KDM4C: variants seen among roughly 807,000 people sequenced by gnomAD.
KDM4C encodes the protein lysine-specific demethylase 4C.
A neutral mutation model predicts 129.3 loss-of-function variants in KDM4C; 81 were observed. The ratio of observed to expected loss-of-function variants is 0.63; its 90% CI spans 0.52 to 0.75. The LOEUF is 0.75. Among genes scored for constraint, KDM4C ranks in the 30% least tolerant of loss-of-function variants. The pLI is 0.00. For missense variants in KDM4C, 1,457 were observed against 1,304.0 expected (o/e 1.12, Z -1.81); for synonymous variants, 573 against 456.1 (o/e 1.26, Z -3.26).
chr9:6,816,110 G>A (rs1235694385), intron 4 of KDM4C, among the ~76,000 whole-genome samples: 1 of 152,098 alleles, frequency 6.6e-6, no homozygotes, highest in Non-Finnish European at 1.5e-5. Flanking sequence ...TAACTAATAA[G>A]TGATCTATGG....
intron 19 of KDM4C, among the ~76,000 whole-genome samples, chr9:7,132,146 A>T (rs956665016): frequency 6.6e-6 from 1 of 152,234 alleles, no homozygotes; most frequent in Non-Finnish European, 1.5e-5. Flanking sequence ...AATTTAGGAT[A>T]TCAAGTTTAA....
intron 21 of KDM4C, 127 bp from the exon 22 acceptor site, chr9:7,174,426 C>A: frequency 2.6e-6 from 2 of 775,952 alleles, no homozygotes; most frequent in South Asian, 1.9e-5. Flanking sequence ...TGCCTGGGGC[C>A]CTTTTAGCCT....
At chr9:6,845,360 G>T (rs553509664) in intron 4 of KDM4C, among the ~76,000 whole-genome samples, 1 of 152,120 alleles carries the variant, frequency 6.6e-6, no homozygotes, top group Non-Finnish European at 1.5e-5. Context: ...GATTACAGGC[G>T]TGAGGCACCA....
chr9:6,765,703 C>A (rs1464325663), intron 1 of KDM4C, among the ~76,000 whole-genome samples: 1 of 152,084 alleles, frequency 6.6e-6, no homozygotes, highest in African/African-American at 2.4e-5. Flanking sequence ...ATACATCTTA[C>A]CCATCGTGAC....
At chr9:6,872,414 T>A (rs1388684975) in intron 5 of KDM4C, among the ~76,000 whole-genome samples, 1 of 152,174 alleles carries the variant, frequency 6.6e-6, no homozygotes, top group Non-Finnish European at 1.5e-5. Context: ...GTTTAAGTCC[T>A]GAATATCCTT....
intron 1 of KDM4C, among the ~76,000 whole-genome samples, chr9:6,732,534 C>T (rs1238320880): frequency 6.6e-6 from 1 of 151,460 alleles, no homozygotes; most frequent in African/African-American, 2.4e-5. Flanking sequence ...GGGCATGAGC[C>T]ACCGCACCCA....
chr9:7,125,432 C>T (rs975494783), intron 18 of KDM4C, among the ~76,000 whole-genome samples: 1 of 152,152 alleles, frequency 6.6e-6, no homozygotes, highest in Non-Finnish European at 1.5e-5. Flanking sequence ...AGTAATATAG[C>T]CTTAGTGGTT....
chr9:6,767,018 G>A (rs1820762013), intron 1 of KDM4C, among the ~76,000 whole-genome samples: 1 of 152,128 alleles, frequency 6.6e-6, no homozygotes, highest in African/African-American at 2.4e-5. Flanking sequence ...GTTCTGTTCT[G>A]AGAGTCCATC....
intron 17 of KDM4C, among the ~76,000 whole-genome samples, chr9:7,062,806 C>G (rs1666126094): frequency 6.6e-6 from 1 of 151,992 alleles, no homozygotes; most frequent in Non-Finnish European, 1.5e-5. Flanking sequence ...CCAGAAATTC[C>G]ATGAAGTGAC....
intron 21 of KDM4C, chr9:7,170,961 T>G: frequency 5.3e-6 from 1 of 189,626 alleles, no homozygotes; most frequent in Non-Finnish European, 9.7e-6. Flanking sequence ...CATAATGTTT[T>G]AAGCAAGTTT....
intron 19 of KDM4C, among the ~76,000 whole-genome samples, chr9:7,135,185 C>G (rs1357876523): frequency 6.6e-6 from 1 of 152,198 alleles, no homozygotes; most frequent in Non-Finnish European, 1.5e-5. Flanking sequence ...GAAAGTATGT[C>G]GTTGCCCTGA....
intron 4 of KDM4C, among the ~76,000 whole-genome samples, chr9:6,825,946 G>T (rs1833799092): frequency 6.6e-6 from 1 of 152,092 alleles, no homozygotes; most frequent in South Asian, 2.1e-4. Flanking sequence ...GAGTAGCTGG[G>T]ACTACGTGTG....
intron 8 of KDM4C, among the ~76,000 whole-genome samples, chr9:6,926,301 A>G (rs971833733): frequency 6.7e-6 from 1 of 149,152 alleles, no homozygotes; most frequent in Non-Finnish European, 1.5e-5. Context: ...GCGTTTGTGA[A>G]TAGAAACAAG....
chr9:6,834,578 G>C (rs1588589003), intron 4 of KDM4C: 4 of 728,456 alleles, frequency 5.5e-6, no homozygotes, highest in East Asian at 5.1e-5. Flanking sequence ...CAAGCACCAG[G>C]GCATGATGGT....
intron 1 of KDM4C, among the ~76,000 whole-genome samples, chr9:6,771,807 C>T (rs1821902758): frequency 6.6e-6 from 1 of 152,006 alleles, no homozygotes; most frequent in Non-Finnish European, 1.5e-5. Context: ...TGGTGAGGGG[C>T]TCGCTGCCCA....
At chr9:6,866,563 C>T (rs1369065534) in intron 5 of KDM4C, among the ~76,000 whole-genome samples, 2 of 152,102 alleles carry the variant, frequency 1.3e-5, no homozygotes, top group Non-Finnish European at 2.9e-5. Flanking sequence ...CCTGCCATCG[C>T]TCTTTGTGTC....
intron 1 of KDM4C, among the ~76,000 whole-genome samples, chr9:6,732,535 A>G (rs1350141765): frequency 6.6e-6 from 1 of 151,926 alleles, no homozygotes; most frequent in Non-Finnish European, 1.5e-5. Flanking sequence ...GGCATGAGCC[A>G]CCGCACCCAG....
intron 8 of KDM4C, among the ~76,000 whole-genome samples, chr9:6,911,669 C>G (rs937585509): frequency 1.3e-5 from 2 of 152,130 alleles, no homozygotes; most frequent in Non-Finnish European, 2.9e-5. Context: ...GACTAATCTC[C>G]TTGATCTCTA....
chr9:6,735,314 C>G (rs1817493068), intron 1 of KDM4C, among the ~76,000 whole-genome samples: 1 of 152,196 alleles, frequency 6.6e-6, no homozygotes, highest in Admixed American at 6.6e-5. Context: ...CTTAGTATTG[C>G]TATCAGTATT....
Sources: allele counts gnomAD v4.1 joint callset (sites outside exome capture counted in the v4.1 genomes callset), GRCh38; gene constraint gnomAD v4.1.1; transcripts MANE v1.5; gene names NCBI Gene and HGNC (gene_info 2026-07-23, HGNC 2026-07-21).